HECTD2: variants seen among roughly 807,000 people sequenced by gnomAD.
HECTD2 encodes probable E3 ubiquitin-protein ligase HECTD2.
A neutral mutation model predicts 103.2 loss-of-function variants in HECTD2; 35 were observed. That is an observed-to-expected ratio of 0.34 (90% CI 0.26 to 0.45). The LOEUF is 0.45. HECTD2 is among the 20% of genes least tolerant of loss of function. The pLI is 1.00. For synonymous variants in HECTD2, 281 were observed against 329.9 expected, an observed-to-expected ratio of 0.85 and a Z score of 1.61; for missense variants, 596 against 937.4, an observed-to-expected ratio of 0.64 and a Z score of 4.76.
At chr10:91,450,438 G>C (rs1190109567) in intron 2 of HECTD2, among the ~76,000 whole-genome samples, 1 of 152,038 alleles carries the variant, frequency 6.6e-6, no homozygotes, top group Non-Finnish European at 1.5e-5. Flanking sequence ...GAAAACCTAG[G>C]CAGTACCATT....
intron 20 of HECTD2, among the ~76,000 whole-genome samples, chr10:91,506,875 A>G (rs1381292195): frequency 2.0e-5 from 3 of 149,118 alleles, no homozygotes; most frequent in East Asian, 1.9e-4. Context: ...AAAATCCTCA[A>G]TAAAATACTG....
Position 91,487,936 on chromosome 10 carries a change from T to C in HECTD2, c.1191+158T>C. ...ACCCAAAAAGTGCTTAAAAACTATTTACAATTTGGGAGACAAGATAACTCT... is the reference window on the plus strand; with the variant it reads ...ACCCAAAAAGTGCTTAAAAACTATTCACAATTTGGGAGACAAGATAACTCT... On this transcript the variant is annotated intron_variant, in intron 11 of 20. Coordinates refer to ENST00000298068, the MANE Select transcript of HECTD2 (RefSeq NM_182765.6). The surrounding 1 kb of genome is among the most constrained non-coding windows in gnomAD (Gnocchi z 4.1). The C allele has an allele frequency of 4.2e-6, 2 of 476,650 alleles. No homozygotes were observed. Among genetic ancestry groups the C allele is most frequent in the Non-Finnish European group, 3.8e-6 (1 of 265,920 alleles). The allele number at this position is 476,650 out of a possible 1,614,324, so 29.5% of individuals were successfully genotyped here.
At chr10:91,454,525 A>G (rs113150082) in intron 2 of HECTD2, among the ~76,000 whole-genome samples, 5,067 of 152,092 alleles carry the variant, frequency 0.033, 192 homozygotes, top group African/African-American at 0.084. Context: ...AGCAGTGCTG[A>G]GAGGGAAATT....
chr10:91,439,980 G>A (rs867141404), intron 2 of HECTD2, among the ~76,000 whole-genome samples: 23 of 152,228 alleles, frequency 1.5e-4, no homozygotes, highest in African/African-American at 5.3e-4. Context: ...AGGAGATTCT[G>A]GGCTGAGATG....
intron 2 of HECTD2, among the ~76,000 whole-genome samples, chr10:91,427,262 T>G (rs1159072799): frequency 6.6e-6 from 1 of 152,034 alleles, no homozygotes; most frequent in Non-Finnish European, 1.5e-5. Context: ...GTTGGACATT[T>G]GGGTTGGTTC....
intron 14 of HECTD2, 61 bp downstream of exon 14, chr10:91,493,569 C>G: frequency 2.3e-6 from 2 of 884,882 alleles, no homozygotes; most frequent in Non-Finnish European, 3.4e-6. Context: ...AAGATTTTAT[C>G]TGTATTTTAG....
At chr10:91,500,852 T>TA (rs1417004522) in intron 19 of HECTD2, among the ~76,000 whole-genome samples, 1 of 152,082 alleles carries the variant, frequency 6.6e-6, no homozygotes, top group African/African-American at 2.4e-5. Context: ...ATTTTACTTT[T>TA]AAAAAAATGA....
chr10:91,419,134 T>C (rs901346903), intron 1 of HECTD2, among the ~76,000 whole-genome samples: 1 of 152,192 alleles, frequency 6.6e-6, no homozygotes, highest in African/African-American at 2.4e-5. Context: ...AAGAAAAATG[T>C]TGATCTTGTA....
chr10:91,508,402 C>A (rs1300506324), intron 20 of HECTD2, among the ~76,000 whole-genome samples: 1 of 151,178 alleles, frequency 6.6e-6, no homozygotes, highest in Middle Eastern at 3.2e-3. Flanking sequence ...CCAGAATCTA[C>A]AATGAACTCA....
chr10:91,423,734 T>C (rs969163929), intron 1 of HECTD2, among the ~76,000 whole-genome samples: 6 of 152,146 alleles, frequency 3.9e-5, no homozygotes, highest in African/African-American at 1.4e-4. Flanking sequence ...TGAAATTTAT[T>C]CTCTTTGGGC....
chr10:91,491,105 G>A, intron 11 of HECTD2, 95 bp from the exon 12 acceptor site: 1 of 603,308 alleles, frequency 1.7e-6, no homozygotes, highest in Admixed American at 2.9e-5. Flanking sequence ...AAATGGCATA[G>A]ATAATAATTG....
rs760441128 is a variant in HECTD2 at position 91,500,603 on chromosome 10, G to A, written c.2052G>A (p.Thr684=). ...CTCAGTATGATGGCTATGCAAAAAC[G>A]GACTTAACTATAAAGTGAGCTCTTT... ...RSTQYDGYAK[T]DLTIKYFWDV... The change falls in exon 19 of 21, where the codon ACG becomes ACA. Residue 684 remains threonine, a synonymous_variant. Transcript: ENST00000298068. 9.6e-6 allele frequency: 15 copies of A among 1,567,986 alleles called. No homozygotes were observed. The highest frequency in any genetic ancestry group is 2.2e-5 in the East Asian group (1 of 44,668).
intron 2 of HECTD2, among the ~76,000 whole-genome samples, chr10:91,432,665 C>CT (rs1239536566): frequency 1.5e-5 from 2 of 136,196 alleles, no homozygotes; most frequent in Non-Finnish European, 3.0e-5. Context: ...CTTCCCCAAA[C>CT]TTTAAAAAAA....
At chr10:91,507,516 T>G (rs1166570147) in intron 20 of HECTD2, among the ~76,000 whole-genome samples, 25 of 152,238 alleles carry the variant, frequency 1.6e-4, no homozygotes, top group Admixed American at 1.6e-3. Flanking sequence ...GAACTCCCAT[T>G]CACAACTGCT....
At chr10:91,456,652 G>GCCAGTTTTGAAAGGGAATGCTT (rs1845108844) in intron 2 of HECTD2, among the ~76,000 whole-genome samples, 1 of 152,060 alleles carries the variant, frequency 6.6e-6, no homozygotes, top group Non-Finnish European at 1.5e-5. Context: ...CCTGTCTTGT[G>GCCAGTTTTGAAAGGGAATGCTT]CCAGTTTTGA....
intron 6 of HECTD2, among the ~76,000 whole-genome samples, chr10:91,479,533 A>C (rs1846019686): frequency 6.6e-6 from 1 of 152,110 alleles, no homozygotes. Flanking sequence ...TTCCTTCTTA[A>C]ACCACACTTT....
intron 2 of HECTD2, among the ~76,000 whole-genome samples, chr10:91,458,019 A>T (rs1396545453): frequency 1.4e-5 from 2 of 139,084 alleles, no homozygotes; most frequent in Non-Finnish European, 3.0e-5. Flanking sequence ...ATAATTGTCT[A>T]TGCAAAAAAA....
At chr10:91,423,944 G>A (rs1172004033) in intron 1 of HECTD2, among the ~76,000 whole-genome samples, 1 of 152,084 alleles carries the variant, frequency 6.6e-6, no homozygotes, top group Non-Finnish European at 1.5e-5. Flanking sequence ...GGTGAACACT[G>A]GAAAAAGCTT....
intron 11 of HECTD2, among the ~76,000 whole-genome samples, chr10:91,490,674 G>A (rs917995458): frequency 2.0e-5 from 3 of 151,410 alleles, no homozygotes; most frequent in Non-Finnish European, 2.9e-5. Context: ...GGCGGATCAC[G>A]AGGTCAGGAG....
Sources: gnomAD v4.1 joint callset for allele counts (sites outside exome capture counted in the v4.1 genomes callset) on GRCh38, gnomAD v4.1.1 for gene constraint, Gnocchi (gnomAD v3.1) non-coding constraint, MANE v1.5 for transcripts, NCBI Gene and HGNC (gene_info 2026-07-23, HGNC 2026-07-21) for gene names.